CRADD: variants seen among roughly 807,000 people sequenced by gnomAD.
The protein encoded by CRADD is death domain-containing protein CRADD.
A neutral mutation model predicts 15.5 loss-of-function variants in CRADD; 9 were observed. That is an observed-to-expected ratio of 0.58 (90% confidence interval 0.35 to 1.01). CRADD has a LOEUF of 1.01. Among genes scored for constraint, CRADD ranks in the 50% least tolerant of loss-of-function variants. CRADD has a pLI of 0.02. For missense variants in CRADD, 227 were observed against 250.3 expected (o/e 0.91, Z 0.63); for synonymous variants, 118 against 107.6 (o/e 1.10, Z -0.60).
chr12:93,852,250 A>C (rs542038052), downstream of CRADD, among the ~76,000 whole-genome samples: 1 of 152,220 alleles, frequency 6.6e-6, no homozygotes, highest in Non-Finnish European at 1.5e-5. Flanking sequence ...AGTCACATTC[A>C]TGGATGAGTG....
chr12:93,886,519 C>A (rs1958538731), intron 2 of CRADD, among the ~76,000 whole-genome samples: 2 of 152,124 alleles, frequency 1.3e-5, no homozygotes, highest in South Asian at 4.1e-4. Flanking sequence ...CACCCATAGG[C>A]ATTTCACTTT....
intron 2 of CRADD, among the ~76,000 whole-genome samples, chr12:93,748,882 T>C (rs1272664491): frequency 6.6e-6 from 1 of 152,230 alleles, no homozygotes; most frequent in Non-Finnish European, 1.5e-5. Context: ...GTGCCTTGCC[T>C]TATCCCATGG....
chr12:93,801,308 C>T (rs757144823), intron 2 of CRADD, among the ~76,000 whole-genome samples: 1 of 152,216 alleles, frequency 6.6e-6, no homozygotes, highest in Non-Finnish European at 1.5e-5. Context: ...CATTCTTCTG[C>T]ATTTATTAGC....
intron 2 of CRADD, among the ~76,000 whole-genome samples, chr12:93,727,647 T>C (rs1956392011): frequency 6.6e-6 from 1 of 152,178 alleles, no homozygotes; most frequent in Non-Finnish European, 1.5e-5. Context: ...TGAAGTTATA[T>C]GAGCAGAGGC....
chr12:93,721,368 T>C (rs1017998559), intron 2 of CRADD, among the ~76,000 whole-genome samples: 39 of 152,346 alleles, frequency 2.6e-4, no homozygotes, highest in African/African-American at 9.4e-4. Flanking sequence ...GAAATATTCC[T>C]AATTTCTCCC....
intron 2 of CRADD, among the ~76,000 whole-genome samples, chr12:93,700,053 G>T (rs930842596): frequency 6.6e-6 from 1 of 152,314 alleles, no homozygotes; most frequent in South Asian, 2.1e-4. Context: ...AGAGTCATTG[G>T]TTCCAGGGGA....
At chr12:93,719,735 G>A (rs1235839326) in intron 2 of CRADD, among the ~76,000 whole-genome samples, 1 of 151,518 alleles carries the variant, frequency 6.6e-6, no homozygotes, top group African/African-American at 2.4e-5. Context: ...GCATAAAGTT[G>A]TTTATAAAAC....
chr12:93,891,312 C>T (rs1958574584), intron 2 of CRADD, among the ~76,000 whole-genome samples: 1 of 151,924 alleles, frequency 6.6e-6, no homozygotes, highest in East Asian at 2.0e-4. Context: ...AACGTGGCAA[C>T]CCCATCTCTA....
At chr12:93,729,163 G>A (rs1019489947) in intron 2 of CRADD, among the ~76,000 whole-genome samples, 12 of 152,052 alleles carry the variant, frequency 7.9e-5, no homozygotes, top group Admixed American at 5.9e-4. Flanking sequence ...GCACCAAACC[G>A]CAAAAAACAA....
At chr12:93,713,726 A>C in intron 2 of CRADD, among the ~76,000 whole-genome samples, 1 of 152,312 alleles carries the variant, frequency 6.6e-6, no homozygotes, top group South Asian at 2.1e-4. Context: ...AGGGCTGACT[A>C]TATCATACAC....
At chr12:93,702,303 G>T (rs1271973924) in intron 2 of CRADD, among the ~76,000 whole-genome samples, 2 of 152,052 alleles carry the variant, frequency 1.3e-5, no homozygotes, top group African/African-American at 4.8e-5. Context: ...ATCTGGGCTT[G>T]GCAGGGTAGG....
chr12:93,805,774 G>T (rs1349587306), intron 2 of CRADD, among the ~76,000 whole-genome samples: 4 of 152,118 alleles, frequency 2.6e-5, no homozygotes, highest in Admixed American at 1.3e-4. Context: ...CCATGCAGCA[G>T]CCTGCTTGTC....
chr12:93,810,590 A>T (rs893451246), intron 2 of CRADD, among the ~76,000 whole-genome samples: 56 of 106,600 alleles, frequency 5.3e-4, no homozygotes, highest in Non-Finnish European at 9.8e-4. Flanking sequence ...AAAAAAAAAA[A>T]AGAATAGGGA....
chr12:93,855,276 G>T (rs1222357933), downstream of CRADD, among the ~76,000 whole-genome samples: 1 of 152,148 alleles, frequency 6.6e-6, no homozygotes, highest in African/African-American at 2.4e-5. Flanking sequence ...TGAGGCAGCA[G>T]GATGAATCTG....
chr12:93,735,611 GAA>G (rs1348950511), intron 2 of CRADD: 1 of 152,092 alleles, frequency 6.6e-6, no homozygotes, highest in African/African-American at 2.4e-5. Flanking sequence ...TTAGAAATAG[GAA>G]AAGTCAGTCG....
At chr12:93,756,828 A>G (rs1000805346) in intron 2 of CRADD, among the ~76,000 whole-genome samples, 8 of 152,158 alleles carry the variant, frequency 5.3e-5, no homozygotes, top group Non-Finnish European at 1.0e-4. Context: ...AGTGCAGGAC[A>G]CACAACCTCC....
At position 93,881,447 on chromosome 12, in the gene CRADD, G is replaced by GA. The variant is rs1289008783; in HGVS notation, c.299-12603_299-12602insA. On this transcript the variant is annotated intron_variant, in intron 2 of 2. Coordinates refer to the CRADD transcript ENST00000548483. ...CTCTCAAAAAAAAAGTGTGGGGGGG[G>GA]GGTGGGGATCAATCCTTTGCAGCTT... Among the ~76,000 whole-genome samples the GA allele has an allele frequency of 2.2e-5, 3 of 136,724 alleles. No homozygotes were observed. The East Asian group carries it at 7.8e-4, about 36-fold the overall frequency. 89.7% of individuals were successfully genotyped at this position (136,724 alleles called of 152,430 possible).
intron 2 of CRADD, among the ~76,000 whole-genome samples, chr12:93,832,976 G>T (rs1957927392): frequency 6.6e-6 from 1 of 152,260 alleles, no homozygotes; most frequent in African/African-American, 2.4e-5. Context: ...AACTTCAAAA[G>T]GTAGTTTTGA....
intron 2 of CRADD, among the ~76,000 whole-genome samples, chr12:93,833,770 T>TC (rs930895614): frequency 1.3e-5 from 2 of 152,208 alleles, no homozygotes; most frequent in Non-Finnish European, 1.5e-5. Context: ...TGTTATTTTT[T>TC]CCCCCTCTAT....
Sources: gnomAD v4.1 joint callset for allele counts (sites outside exome capture counted in the v4.1 genomes callset) on GRCh38, gnomAD v4.1.1 for gene constraint, MANE v1.5 for transcripts, NCBI Gene and HGNC (gene_info 2026-07-23, HGNC 2026-07-21) for gene names.